Variants in OR4E1 observed in about 807,000 individuals in gnomAD.
OR4E1 encodes the protein olfactory receptor 4E1.
In OR4E1 at chr14:21,670,512, A is replaced by C. The variant is rs1880881359; in HGVS notation, c.424T>G (p.Trp142Gly). 2 of 400,002 alleles carry C rather than the reference A, an allele frequency of 5.0e-6. No homozygotes were observed. The highest frequency in any genetic ancestry group is 8.8e-6 in the Non-Finnish European group (2 of 226,564). 24.8% of individuals were successfully genotyped at this position (400,002 alleles called of 1,614,324 possible). A position where few individuals can be genotyped will look rare whatever the true frequency, so the allele number is the denominator to read the frequency against. ...KPLQYMIVMN[W>G]KVCVLLAVAL... ...ACAGCCAGCAGCACACATACCTTCC[A>C]GTTCATCACTATCATGTACTGCAGG... is the stretch of plus-strand genomic sequence containing the variant. Residue 142 changes from tryptophan (W) to glycine (G), a missense_variant, in exon 2 of 2, where the codon TGG (tryptophan) becomes GGG (glycine). Trp to Gly is a radical substitution (Grantham distance 184). Coordinates refer to ENST00000641792, the MANE Select transcript of OR4E1 (RefSeq NM_001317107.2).
chr14:21,673,493 C>T lies in OR4E1; in HGVS notation c.-421G>A, dbSNP rs1319587758. On this transcript the variant is annotated 5_prime_UTR_variant, in exon 1 of 2. Transcript: ENST00000641792. The stretch of plus-strand genomic sequence containing the variant: ...TGGCTTATACCTGTGGTTCCAGCTG[C>T]TCAGGAGGCTGAGGCAGGAGGATTT... 6.6e-6 allele frequency: 1 copy of T among 151,012 alleles called. No homozygotes were observed. The highest frequency in any genetic ancestry group is 1.5e-5 in the Non-Finnish European group (1 of 67,900). The allele number at this position is 151,012 out of a possible 1,614,324, so 9.4% of individuals were successfully genotyped here.
Position 21,668,721 on chromosome 14 carries a change from A to G in OR4E1, c.*1267T>C, listed in dbSNP as rs1265793676. ...GTTTCTACCAAGTTGTTTTCTAAGT[A>G]TTTATGACTAAGTACTTAACAGTCA... On this transcript the variant is annotated 3_prime_UTR_variant, in exon 2 of 2. Transcript: ENST00000641792. The G allele has an allele frequency of 1.3e-5, 2 of 152,184 alleles. No individual in the cohort carries two copies. The highest frequency in any genetic ancestry group is 1.3e-4 in the Admixed American group (2 of 15,270). 9.4% of individuals were successfully genotyped at this position (152,184 alleles called of 1,614,324 possible).
At chr14:21,671,183 A>G (rs1347195078) in intron 1 of OR4E1, among the ~76,000 whole-genome samples, 1 of 152,218 alleles carries the variant, frequency 6.6e-6, no homozygotes, top group Non-Finnish European at 1.5e-5. Flanking sequence ...TCATTAAGAG[A>G]TATAAAACAA....
At chr14:21,672,306 C>G (rs1436653484) in intron 1 of OR4E1, among the ~76,000 whole-genome samples, 1 of 152,194 alleles carries the variant, frequency 6.6e-6, no homozygotes, top group Non-Finnish European at 1.5e-5. Context: ...TTTATATCAT[C>G]CCTCAAGATC....
chr14:21,668,293 C>A lies in OR4E1; in HGVS notation c.*1695G>T, dbSNP rs148537999. 1.0e-4 allele frequency: 8 copies of A among 76,588 alleles called. No individual in the cohort carries two copies. The East Asian group carries it at 1.6e-3, about 15-fold the overall frequency. 4.7% of individuals were successfully genotyped at this position (76,588 alleles called of 1,614,324 possible). ...TATTTCTCCTTATTGTCTGCCATTG[C>A]CTATAATAAAAGGGCATTTATTTTA... On this transcript the variant is annotated 3_prime_UTR_variant, in exon 2 of 2. Coordinates refer to ENST00000641792, the MANE Select transcript of OR4E1 (RefSeq NM_001317107.2).
At chr14:21,671,198 G>A (rs143105543) in intron 1 of OR4E1, among the ~76,000 whole-genome samples, 7 of 152,246 alleles carry the variant, frequency 4.6e-5, no homozygotes, top group African/African-American at 1.7e-4. Flanking sequence ...AAACAATCTT[G>A]AAGAGGGAGA....
In OR4E1 at chr14:21,670,342, G is replaced by A. The variant is rs1056881311; in HGVS notation, c.594C>T (p.Val198=). ...VIKLACIDTH[V]IEILIVSNSG... is the part of the protein sequence containing the mutation. ...TGTTGGAGACAATGAGGATCTCAAT[G>A]ACGTGGGTGTCAATGCAGGCCAGCT... Residue 198 remains valine, a synonymous_variant, in exon 2 of 2, where the codon GTC becomes GTT. Coordinates refer to ENST00000641792, the MANE Select transcript of OR4E1 (RefSeq NM_001317107.2). 53 of 388,698 alleles carry A rather than the reference G, an allele frequency of 1.4e-4. No individual in the cohort carries two copies. In the Middle Eastern group the frequency reaches 2.5e-3, roughly 18 times the overall value. 24.1% of individuals were successfully genotyped at this position (388,698 alleles called of 1,614,324 possible). A position where few individuals can be genotyped will look rare whatever the true frequency, so the allele number is the denominator to read the frequency against.
rs1880906827 is a variant in OR4E1, at chr14:21,670,904, G to A, written c.32C>T (p.Ser11Phe). The A allele has an allele frequency of 2.5e-6, 1 of 398,676 alleles. No homozygotes were observed. Among genetic ancestry groups the A allele is most frequent in the Non-Finnish European group, 4.4e-6 (1 of 226,056 alleles). The allele number at this position is 398,676 out of a possible 1,614,324, so 24.7% of individuals were successfully genotyped here. MEEAILLNQTSLVTYFRLRGL... is the reference protein window; with the variant it reads MEEAILLNQTFLVTYFRLRGL... The stretch of plus-strand genomic sequence containing the variant: ...TCTAAGCCGAAAATATGTCACTAAA[G>A]AAGTTTGATTGAGTAGGATGGCCTC... The change falls in exon 2 of 2, where the codon TCT becomes TTT. Residue 11 changes from serine to phenylalanine, a missense_variant. Physicochemically the swap from Ser to Phe is radical, Grantham distance 155. Transcript: ENST00000641792.
chr14:21,669,864 G>A lies in OR4E1; in HGVS notation c.*124C>T. The A allele has an allele frequency of 2.5e-6, 1 of 395,542 alleles. No homozygotes were observed. Among genetic ancestry groups the A allele is most frequent in the Non-Finnish European group, 4.5e-6 (1 of 224,660 alleles). The allele number at this position is 395,542 out of a possible 1,614,324, so 24.5% of individuals were successfully genotyped here. ...AATAACCATAACGATTGCTATGACT[G>A]TCAGATATTGGACCAAGGATAGTTT... On this transcript the variant is annotated 3_prime_UTR_variant, in exon 2 of 2. Coordinates refer to ENST00000641792, the MANE Select transcript of OR4E1 (RefSeq NM_001317107.2).
chr14:21,668,872 T>C lies in OR4E1; in HGVS notation c.*1116A>G, dbSNP rs369541211. 7.9e-5 allele frequency: 12 copies of C among 152,346 alleles called. No homozygotes were observed. The highest frequency in any genetic ancestry group is 5.8e-4 in the East Asian group (3 of 5,186). 9.4% of individuals were successfully genotyped at this position (152,346 alleles called of 1,614,324 possible). A position where few individuals can be genotyped will look rare whatever the true frequency, so the allele number is the denominator to read the frequency against. ...CACACCTGTGCTTAAATCATTCTGG[T>C]GGCTTCTTATTGTACTGGAAAAGAT... On this transcript the variant is annotated 3_prime_UTR_variant, in exon 2 of 2. Transcript: ENST00000641792.
intron 1 of OR4E1, among the ~76,000 whole-genome samples, chr14:21,672,583 G>T (rs1051088859): frequency 2.6e-5 from 4 of 150,962 alleles, no homozygotes; most frequent in African/African-American, 7.3e-5. Flanking sequence ...TTTCATGGTC[G>T]CAAAATTCAA....
chr14:21,669,132 C>G lies in OR4E1; in HGVS notation c.*856G>C, dbSNP rs999554894. 6.6e-6 allele frequency: 1 copy of G among 152,192 alleles called. No homozygotes were observed. Among genetic ancestry groups the G allele is most frequent in the Non-Finnish European group, 1.5e-5 (1 of 68,042 alleles). The allele number at this position is 152,192 out of a possible 1,614,324, so 9.4% of individuals were successfully genotyped here. On this transcript the variant is annotated 3_prime_UTR_variant, in exon 2 of 2. Transcript: ENST00000641792. ...CTTAAATGTAACTTCCTCAGAGAGG[C>G]CATCCTTGACCACTAAAGCAAGTCT...
In OR4E1 at chr14:21,668,677, A is replaced by G. The variant is rs1039023447; in HGVS notation, c.*1311T>C. ...TGGTTTATAGACAATGGTTTATCCA[A>G]CTTGGTGTTTTCTACCAAGTTTCTA... On this transcript the variant is annotated 3_prime_UTR_variant, in exon 2 of 2. Transcript: ENST00000641792. The G allele has an allele frequency of 6.6e-6, 1 of 152,166 alleles. No homozygotes were observed. Among genetic ancestry groups the G allele is most frequent in the Admixed American group, 6.6e-5 (1 of 15,256 alleles). 9.4% of individuals were successfully genotyped at this position (152,166 alleles called of 1,614,324 possible). A position where few individuals can be genotyped will look rare whatever the true frequency, so the allele number is the denominator to read the frequency against.
In OR4E1 at chr14:21,670,290, CA is replaced by C. The variant is rs1880865605; in HGVS notation, c.645del (p.Phe215LeufsTer13). 2 of 398,792 alleles carry C rather than the reference CA, an allele frequency of 5.0e-6. No homozygotes were observed. The highest frequency in any genetic ancestry group is 4.1e-5 in the African/African-American group (2 of 48,624). 24.7% of individuals were successfully genotyped at this position (398,792 alleles called of 1,614,324 possible). On this transcript the variant is annotated frameshift_variant, in exon 2 of 2. Transcript: ENST00000641792. LOFTEE classifies it low-confidence loss of function (END_TRUNC). ...ACTGCGTAGGACACCACCAGGACCA[CA>C]AAACAGACCACGGAGATCAATCCAC... ...SNSGLISVVC[F>X]VVLVVSYAVI...
intron 1 of OR4E1, among the ~76,000 whole-genome samples, chr14:21,672,864 C>T (rs1350129515): frequency 1.3e-5 from 2 of 151,998 alleles, no homozygotes; most frequent in African/African-American, 4.8e-5. Flanking sequence ...AAGAAGAAAA[C>T]CTAGTGTTTT....
In OR4E1 at chr14:21,672,837, G is replaced by C. The variant is rs538300221; in HGVS notation, c.-18+253C>G. ...AATGGAGATGTGTTCAACTGCAGTA[G>C]AAAGAATATGGTGCACAAGAAGAAA... On this transcript the variant is annotated intron_variant, in intron 1 of 1. Coordinates refer to ENST00000641792, the MANE Select transcript of OR4E1 (RefSeq NM_001317107.2). Among the ~76,000 whole-genome samples the C allele has an allele frequency of 2.0e-5, 3 of 152,276 alleles. No homozygotes were observed. In the East Asian group the frequency reaches 5.8e-4, roughly 29 times the overall value.
chr14:21,670,204 A>ACAG lies in OR4E1; in HGVS notation c.729_731dup (p.Cys244dup). 2.5e-6 allele frequency: 1 copy of ACAG among 398,808 alleles called. No individual in the cohort carries two copies. The allele number at this position is 398,808 out of a possible 1,614,324, so 24.7% of individuals were successfully genotyped here. ...GTGTAACTACAGTGAGATGGGCTGC[A>ACAG]CAGGTGGACAGGGCCTTCCGCTTGC... On this transcript the variant is annotated inframe_insertion, in exon 2 of 2. Coordinates refer to ENST00000641792, the MANE Select transcript of OR4E1 (RefSeq NM_001317107.2).
Position 21,673,186 on chromosome 14 carries a change from T to C in OR4E1, c.-114A>G, listed in dbSNP as rs1218731809. ...ATGTCACAGTAGATGTATTTGGCGATATTTTCTGGTAAAAGGTACTATTTC... is the reference window on the plus strand; with the variant it reads ...ATGTCACAGTAGATGTATTTGGCGACATTTTCTGGTAAAAGGTACTATTTC... On this transcript the variant is annotated 5_prime_UTR_variant, in exon 1 of 2. It adds an upstream start codon to the 5' untranslated region. Transcript: ENST00000641792. The C allele has an allele frequency of 6.6e-6, 1 of 152,214 alleles. No individual in the cohort carries two copies. 9.4% of individuals were successfully genotyped at this position (152,214 alleles called of 1,614,324 possible). A position where few individuals can be genotyped will look rare whatever the true frequency, so the allele number is the denominator to read the frequency against.
rs1023003179 is a variant in OR4E1, at chr14:21,669,074, C to T, written c.*914G>A. On this transcript the variant is annotated 3_prime_UTR_variant, in exon 2 of 2. Transcript: ENST00000641792. ...CGGCCATTTCCCCTGTCTAGAATGT[C>T]CATCACCTCTCTTATGGCTGGCTCC... is the stretch of plus-strand genomic sequence containing the variant. 2 of 152,230 alleles carry T rather than the reference C, an allele frequency of 1.3e-5. No individual in the cohort carries two copies. Among genetic ancestry groups the T allele is most frequent in the Non-Finnish European group, 2.9e-5 (2 of 68,058 alleles). 9.4% of individuals were successfully genotyped at this position (152,230 alleles called of 1,614,324 possible). A position where few individuals can be genotyped will look rare whatever the true frequency, so the allele number is the denominator to read the frequency against.
Sources: allele counts gnomAD v4.1 joint callset (sites outside exome capture counted in the v4.1 genomes callset), GRCh38; gene constraint gnomAD v4.1.1; transcripts MANE v1.5; gene names NCBI Gene and HGNC (gene_info 2026-07-23, HGNC 2026-07-21).